Variants in TBC1D4 observed in about 807,000 individuals in gnomAD.
The protein encoded by TBC1D4 is TBC1 domain family member 4, also known as TBC (Tre-2, BUB2, CDC16) domain-containing protein.
In TBC1D4, 121 loss-of-function variants were observed where a neutral mutation model predicts 142.5. That is an observed-to-expected ratio of 0.85 (90% CI 0.73 to 0.99). TBC1D4 has a LOEUF of 0.99. TBC1D4 is among the 50% of genes least tolerant of loss of function. The probability of loss-of-function intolerance (pLI) is 0.00; values close to 1 mark genes in which losing one functional copy is unlikely to be tolerated. For synonymous variants in TBC1D4, 630 were observed against 628.2 expected, an observed-to-expected ratio of 1.00 and a Z score of -0.04; for missense variants, 1,475 against 1,606.6, an observed-to-expected ratio of 0.92 and a Z score of 1.40.
chr13:75,438,244 T>C (rs760033623), intron 1 of TBC1D4, among the ~76,000 whole-genome samples: 1 of 152,160 alleles, frequency 6.6e-6, no homozygotes, highest in Non-Finnish European at 1.5e-5. Flanking sequence ...TTATAACTGA[T>C]AAAACAATAA....
At chr13:75,301,600 G>A (rs548536131) in intron 16 of TBC1D4, among the ~76,000 whole-genome samples, 2 of 151,446 alleles carry the variant, frequency 1.3e-5, no homozygotes, top group Admixed American at 1.3e-4. Context: ...AGCAGAGATC[G>A]TGCCACTGCA....
rs376257791 is a variant in TBC1D4 at position 75,362,410 on chromosome 13, G to C, written c.696C>G (p.His232Gln). 4.3e-5 allele frequency: 69 copies of C among 1,614,102 alleles called. No homozygotes were observed. Among genetic ancestry groups the C allele is most frequent in the Non-Finnish European group, 5.8e-5 (68 of 1,180,054 alleles). Reference sequence around the variant, plus strand: ...CTTGGATCTTCAGGCGCTGCTGTTCGTGCAGGCTGAACTTCTCCATGCAGT... The same window carrying C: ...CTTGGATCTTCAGGCGCTGCTGTTCCTGCAGGCTGAACTTCTCCATGCAGT... ...IDDCMEKFSL[H>Q]EQQRLKIQGE... is the part of the protein sequence containing the mutation. Residue 232 changes from histidine to glutamine, a missense_variant, in exon 2 of 21, where the codon CAC (histidine) becomes CAG (glutamine). This residue lies in a region of TBC1D4 where 1,227 missense variants were observed against 1,267.7 expected (regional missense o/e 0.97). Coordinates refer to ENST00000377636, the MANE Select transcript of TBC1D4 (RefSeq NM_014832.5). The surrounding 1 kb of genome is among the most constrained non-coding windows in gnomAD (Gnocchi z 4.2).
intron 1 of TBC1D4, among the ~76,000 whole-genome samples, chr13:75,455,953 C>T (rs556681566): frequency 2.7e-4 from 41 of 151,938 alleles, no homozygotes; most frequent in Admixed American, 7.2e-4. Context: ...TCTTCTAATG[C>T]ATATATATAA....
intron 1 of TBC1D4, among the ~76,000 whole-genome samples, chr13:75,434,946 G>C (rs1308419524): frequency 6.7e-6 from 1 of 150,000 alleles, no homozygotes; most frequent in Non-Finnish European, 1.5e-5. Context: ...TTAGGCATTC[G>C]AGATTGGCCT....
At chr13:75,317,604 T>C (rs1169046615) in intron 12 of TBC1D4, among the ~76,000 whole-genome samples, 1 of 152,222 alleles carries the variant, frequency 6.6e-6, no homozygotes, top group Non-Finnish European at 1.5e-5. Context: ...CATAGAATTT[T>C]TTCCTTCTTC....
intron 12 of TBC1D4, chr13:75,316,365 C>T (rs1832634954): frequency 6.6e-6 from 1 of 152,016 alleles, no homozygotes; most frequent in African/African-American, 2.4e-5. Context: ...ATATAAACTG[C>T]CCAATGACAA....
chr13:75,401,843 T>A (rs1593846045), intron 1 of TBC1D4, among the ~76,000 whole-genome samples: 1 of 152,310 alleles, frequency 6.6e-6, no homozygotes, highest in East Asian at 1.9e-4. Context: ...CAGACCCTTT[T>A]TCAGTCCTGG....
intron 1 of TBC1D4, among the ~76,000 whole-genome samples, chr13:75,377,716 A>T (rs891109171): frequency 3.1e-4 from 44 of 142,768 alleles, no homozygotes; most frequent in Admixed American, 1.7e-3. Context: ...ATATATATAT[A>T]TTTTCTGATT....
intron 1 of TBC1D4, among the ~76,000 whole-genome samples, chr13:75,424,309 G>GA (rs5804815): frequency 1 from 147,430 of 148,082 alleles, 73,394 homozygotes; most frequent in Middle Eastern, 1. Context: ...AAGAAAAAAA[G>GA]AAAAAATTGT....
At position 75,314,638 on chromosome 13, in the gene TBC1D4, A is replaced by G. The variant is rs1192583144; in HGVS notation, c.2223-1740T>C. Among the ~76,000 whole-genome samples, 3 of 152,110 alleles carry G rather than the reference A, an allele frequency of 2.0e-5. No homozygotes were observed. The East Asian group carries it at 5.8e-4, about 29-fold the overall frequency. ...CTGGTTATTATGCATCCTGGATAAC[A>G]CTATAACCCTAATATGTGTCCATTG... On this transcript the variant is annotated intron_variant, in intron 12 of 20. Coordinates refer to ENST00000377636, the MANE Select transcript of TBC1D4 (RefSeq NM_014832.5).
intron 1 of TBC1D4, among the ~76,000 whole-genome samples, chr13:75,471,186 T>C (rs963135286): frequency 6.6e-6 from 1 of 151,912 alleles, no homozygotes; most frequent in Non-Finnish European, 1.5e-5. Flanking sequence ...CAACCTAACT[T>C]CCAGTAGAAG....
chr13:75,410,329 G>A (rs1317445751), intron 1 of TBC1D4, among the ~76,000 whole-genome samples: 3 of 152,050 alleles, frequency 2.0e-5, no homozygotes, highest in East Asian at 1.9e-4. Flanking sequence ...ATCCAGGTGC[G>A]GACACAGCAC....
At chr13:75,296,932 G>A (rs1875991434) in intron 17 of TBC1D4, among the ~76,000 whole-genome samples, 1 of 152,094 alleles carries the variant, frequency 6.6e-6, no homozygotes, top group South Asian at 2.1e-4. Context: ...CACCAAGAGA[G>A]AAGCAAGAAA....
intron 3 of TBC1D4, 36 bp from the exon 4 acceptor site, chr13:75,356,287 G>A (rs755441191): frequency 1.4e-6 from 2 of 1,385,278 alleles, no homozygotes; most frequent in African/African-American, 2.8e-5. Context: ...AAAAATGTAT[G>A]GGAATATATA....
chr13:75,398,887 T>G (rs1265071215), intron 1 of TBC1D4, among the ~76,000 whole-genome samples: 1 of 152,178 alleles, frequency 6.6e-6, no homozygotes, highest in Admixed American at 6.5e-5. Context: ...TTTCTAAGAC[T>G]TTAAGGGGCT....
At chr13:75,348,939 T>G (rs956291093) in intron 5 of TBC1D4, among the ~76,000 whole-genome samples, 214 of 131,216 alleles carry the variant, frequency 1.6e-3, no homozygotes, top group African/African-American at 5.5e-3. Context: ...GGAGAGAGAG[T>G]AGAGAGAGAG....
intron 1 of TBC1D4, among the ~76,000 whole-genome samples, chr13:75,407,311 ATC>A (rs2138378304): frequency 6.6e-6 from 1 of 152,290 alleles, no homozygotes; most frequent in Admixed American, 6.5e-5. Context: ...GGACATTAAA[ATC>A]TCCAGGACAA....
intron 1 of TBC1D4, among the ~76,000 whole-genome samples, chr13:75,365,352 T>A (rs1279267540): frequency 6.6e-6 from 1 of 151,286 alleles, no homozygotes; most frequent in Non-Finnish European, 1.5e-5. Context: ...TTTTTGCTTA[T>A]CCTCATGTGA....
intron 19 of TBC1D4, among the ~76,000 whole-genome samples, chr13:75,289,431 G>T (rs1482327145): frequency 6.6e-6 from 1 of 151,814 alleles, no homozygotes; most frequent in Non-Finnish European, 1.5e-5. Flanking sequence ...GTATTTGGCA[G>T]CTAAGATATT....
Sources: gnomAD v4.1 joint callset for allele counts (sites outside exome capture counted in the v4.1 genomes callset) on GRCh38, gnomAD v4.1.1 for gene constraint, gnomAD v4.1.1 regional missense constraint, Gnocchi (gnomAD v3.1) non-coding constraint, MANE v1.5 for transcripts, NCBI Gene and HGNC (gene_info 2026-07-23, HGNC 2026-07-21) for gene names.